The following CFAP46 variants were observed in gnomAD, a reference collection of about 807,000 sequenced individuals.
CFAP46 encodes the protein cilia- and flagella-associated protein 46.
CFAP46 carries 245 observed loss-of-function variants against 325.7 expected under a neutral mutation model. The observed-to-expected ratio is 0.75, with a 90% confidence interval of 0.68 to 0.84. The LOEUF (loss-of-function observed/expected upper bound fraction) is 0.84. CFAP46 is among the 40% of genes least tolerant of loss of function. The pLI, the probability that CFAP46 is intolerant of heterozygous loss-of-function variation, is 0.00. For synonymous variants in CFAP46, 1,523 were observed against 1,495.9 expected (o/e 1.02, Z -0.42); for missense variants, 3,346 against 3,543.0 (o/e 0.94, Z 1.41).
intron 55 of CFAP46, among the ~76,000 whole-genome samples, chr10:132,812,048 T>C (rs1022318541): frequency 1.3e-5 from 2 of 152,224 alleles, no homozygotes; most frequent in Non-Finnish European, 2.9e-5. Context: ...GGCGTCCTGG[T>C]GGGGCTGCAG....
At chr10:132,925,824 G>A (rs564770565) in intron 10 of CFAP46, among the ~76,000 whole-genome samples, 2 of 152,168 alleles carry the variant, frequency 1.3e-5, no homozygotes, top group Non-Finnish European at 2.9e-5. Context: ...CCCAGCTGCC[G>A]TGCTCATCCC....
chr10:132,849,933 T>A (rs12762131), intron 41 of CFAP46, among the ~76,000 whole-genome samples: 4 of 151,790 alleles, frequency 2.6e-5, no homozygotes, highest in Non-Finnish European at 5.9e-5. Flanking sequence ...TGCTCCACGC[T>A]CGCCAGCACA....
At chr10:132,818,394 T>G (rs1847734513) in intron 50 of CFAP46, among the ~76,000 whole-genome samples, 2 of 151,982 alleles carry the variant, frequency 1.3e-5, no homozygotes, top group South Asian at 4.2e-4. Flanking sequence ...TTCATGATCA[T>G]GAGGTGAAGA....
intron 49 of CFAP46, 22 bp from the exon 50 acceptor site, chr10:132,833,547 A>C (rs772967765): frequency 6.2e-7 from 1 of 1,602,560 alleles, no homozygotes; most frequent in South Asian, 1.1e-5. Context: ...CAGTGCAGGG[A>C]GATCAGCTCC....
intron 12 of CFAP46, 118 bp from the exon 13 acceptor site, chr10:132,922,342 A>G: frequency 6.8e-7 from 1 of 1,463,186 alleles, no homozygotes; most frequent in East Asian, 2.5e-5. Flanking sequence ...GCTCATAGAC[A>G]CAGTGACAGC....
rs566304198 is a variant in CFAP46, at chr10:132,899,711, C to A, written c.2925-45G>T. On this transcript the variant is annotated intron_variant, in intron 22 of 57. Coordinates refer to ENST00000368586, the MANE Select transcript of CFAP46 (RefSeq NM_001200049.3). ...GAGGAGGGAGGCCACTGTGGCCCAC[C>A]TTGGGTCCTCCCTCCCTGGGTCACT... 1,906 of 1,523,006 alleles carry A rather than the reference C, an allele frequency of 1.3e-3. 1 individual carries two copies. Among genetic ancestry groups the A allele is most frequent in the Non-Finnish European group, 1.6e-3 (1,819 of 1,132,272 alleles). 94.3% of individuals were successfully genotyped at this position (1,523,006 alleles called of 1,614,324 possible).
In CFAP46 at chr10:132,886,548, A is replaced by T. The variant is rs1849134634; in HGVS notation, c.3305-589T>A. Among the ~76,000 whole-genome samples, 1 of 152,154 alleles carries T rather than the reference A, an allele frequency of 6.6e-6. No homozygotes were observed. The highest frequency in any genetic ancestry group is 2.4e-5 in the African/African-American group (1 of 41,436). On this transcript the variant is annotated intron_variant, in intron 25 of 57. Coordinates refer to ENST00000368586, the MANE Select transcript of CFAP46 (RefSeq NM_001200049.3). The surrounding 1 kb of genome is among the most constrained non-coding windows in gnomAD (Gnocchi z 5.8). ...CGCCCTGTGGGCCATCAGTGCCCCC[A>T]AATGCACGAAGCCAGCAGGGTGGAT...
At chr10:132,937,433 T>C in intron 6 of CFAP46, 119 bp downstream of exon 6, 3 of 1,152,146 alleles carry the variant, frequency 2.6e-6, no homozygotes, top group Non-Finnish European at 3.8e-6. Context: ...TGTTCATGTA[T>C]GTATGCATAT....
intron 19 of CFAP46, among the ~76,000 whole-genome samples, chr10:132,910,369 T>C (rs374104172): frequency 0.013 from 2,023 of 152,090 alleles, 23 homozygotes; most frequent in Non-Finnish European, 0.022. Context: ...CCAGCACCCC[T>C]CCCCCACTGC....
chr10:132,933,350 G>A, intron 8 of CFAP46, among the ~76,000 whole-genome samples: 1 of 152,226 alleles, frequency 6.6e-6, no homozygotes, highest in East Asian at 1.9e-4. Context: ...AAGTGCCTGA[G>A]AATGCCGCCT....
intron 53 of CFAP46, 51 bp from the exon 54 acceptor site, chr10:132,814,305 G>A (rs772909231): frequency 6.1e-6 from 9 of 1,473,778 alleles, no homozygotes; most frequent in Middle Eastern, 1.7e-4. Context: ...TCAGACACGG[G>A]TGTGCAGGGC....
chr10:132,849,964 G>A (rs950750860), intron 41 of CFAP46, among the ~76,000 whole-genome samples: 3 of 152,146 alleles, frequency 2.0e-5, no homozygotes, highest in South Asian at 4.1e-4. Flanking sequence ...GGGGCGGGCC[G>A]CGTGCTGGGG....
At chr10:132,809,111 C>T (rs573378852) in intron 57 of CFAP46, among the ~76,000 whole-genome samples, 37 of 152,206 alleles carry the variant, frequency 2.4e-4, no homozygotes, top group Non-Finnish European at 2.5e-4. Context: ...AGCCGGGTGA[C>T]GGCACCAGGA....
intron 27 of CFAP46, among the ~76,000 whole-genome samples, chr10:132,882,599 G>A (rs73393245): frequency 0.077 from 11,700 of 151,984 alleles, 1,169 homozygotes; most frequent in African/African-American, 0.23. Flanking sequence ...CAGGTCTAGC[G>A]GGTGGGGGGT....
chr10:132,932,089 TC>T (rs1849917789), intron 8 of CFAP46, among the ~76,000 whole-genome samples: 3 of 135,018 alleles, frequency 2.2e-5, no homozygotes, highest in African/African-American at 5.8e-5. Flanking sequence ...ACCTTCATCC[TC>T]CCCACACAGA....
Position 132,860,445 on chromosome 10 carries a change from C to G in CFAP46, c.5170G>C (p.Glu1724Gln). 6.4e-7 allele frequency: 1 copy of G among 1,551,146 alleles called. No individual in the cohort carries two copies. The highest frequency in any genetic ancestry group is 1.4e-5 in the African/African-American group (1 of 73,178). ...KERPNRLPLL[E>Q]FMITDLEARC... The stretch of plus-strand genomic sequence containing the variant: ...GCTTCTAGATCTGTGATCATGAATT[C>G]CAGTAAAGGCAATCGGTTTGGTCTT... Residue 1724 changes from glutamate (E) to glutamine (Q), a missense_variant, in exon 37 of 58, where the codon GAA (glutamate) becomes CAA (glutamine). By Grantham distance (29) the Glu-to-Gln change is conservative (BLOSUM62 2). Coordinates refer to ENST00000368586, the MANE Select transcript of CFAP46 (RefSeq NM_001200049.3).
chr10:132,874,230 G>A (rs748558304), intron 31 of CFAP46, among the ~76,000 whole-genome samples: 3 of 152,176 alleles, frequency 2.0e-5, no homozygotes, highest in East Asian at 1.9e-4. Flanking sequence ...CACACACCCC[G>A]GAAACAAGTG....
chr10:132,934,627 C>T (rs1591100494), intron 8 of CFAP46, 125 bp downstream of exon 8: 1 of 660,388 alleles, frequency 1.5e-6, no homozygotes, highest in East Asian at 2.7e-5. Context: ...AAAACCTCCA[C>T]AATGGCTGGC....
At chr10:132,862,222 GA>G (rs1334213317) in intron 35 of CFAP46, among the ~76,000 whole-genome samples, 1 of 152,218 alleles carries the variant, frequency 6.6e-6, no homozygotes, top group Non-Finnish European at 1.5e-5. Flanking sequence ...GAGGAGGGAA[GA>G]GGGGGAGGCC....
Sources: allele counts gnomAD v4.1 joint callset (sites outside exome capture counted in the v4.1 genomes callset), GRCh38; gene constraint gnomAD v4.1.1; non-coding constraint Gnocchi (gnomAD v3.1); transcripts MANE v1.5; gene names NCBI Gene and HGNC (gene_info 2026-07-23, HGNC 2026-07-21).